Variants in PARP8 observed in about 807,000 individuals in gnomAD.
PARP8 encodes the protein poly(ADP-ribose) polymerase family member 8, also known as protein mono-ADP-ribosyltransferase PARP8.
In PARP8, 51 loss-of-function variants were observed where a neutral mutation model predicts 124.1. The observed-to-expected ratio is 0.41, with a 90% CI of 0.33 to 0.52. PARP8 has a LOEUF of 0.52. PARP8 is among the 20% of genes least tolerant of loss of function. PARP8 has a pLI of 0.21. For synonymous variants in PARP8, 391 were observed against 361.5 expected, an observed-to-expected ratio of 1.08 and a Z score of -0.93; for missense variants, 860 against 1,018.9, an observed-to-expected ratio of 0.84 and a Z score of 2.12.
chr5:50,805,574 A>G (rs1173267363), intron 14 of PARP8, among the ~76,000 whole-genome samples: 4 of 152,138 alleles, frequency 2.6e-5, no homozygotes, highest in African/African-American at 4.8e-5. Context: ...GCACCATGCT[A>G]GATTCTGTTA....
intron 2 of PARP8, among the ~76,000 whole-genome samples, chr5:50,699,438 T>C (rs181207415): frequency 1.7e-4 from 26 of 152,322 alleles, no homozygotes; most frequent in Non-Finnish European, 3.4e-4. Flanking sequence ...CGTAACACTT[T>C]CATATGTTTT....
chr5:50,829,140 C>G (rs1232277011), intron 21 of PARP8, among the ~76,000 whole-genome samples: 8 of 152,154 alleles, frequency 5.3e-5, no homozygotes, highest in Non-Finnish European at 1.0e-4. Flanking sequence ...TTTTCCGCCT[C>G]CAGGACAGTA....
At chr5:50,742,167 G>A (rs901479802) in intron 2 of PARP8, among the ~76,000 whole-genome samples, 6 of 152,146 alleles carry the variant, frequency 3.9e-5, no homozygotes, top group African/African-American at 9.7e-5. Context: ...GAGTGGTTCC[G>A]AATAAGGGAG....
Position 50,828,305 on chromosome 5 carries a change from T to G in PARP8, c.2091-7T>G, listed in dbSNP as rs1488853551. 1 of 1,612,612 alleles carries G rather than the reference T, an allele frequency of 6.2e-7. No individual in the cohort carries two copies. The highest frequency in any genetic ancestry group is 8.5e-7 in the Non-Finnish European group (1 of 1,179,316). On this transcript the variant is annotated splice_region_variant and splice_polypyrimidine_tract_variant and intron_variant, in intron 20 of 25. Coordinates refer to ENST00000281631, the MANE Select transcript of PARP8 (RefSeq NM_024615.4). ...TTTTGCTTTTTCCTTTCCGTCTGTT[T>G]TTTTAGTGGCTCACACATTGAAAAC...
chr5:50,777,972 G>C lies in PARP8; in HGVS notation c.519-97G>C, dbSNP rs978174753. 4.6e-6 allele frequency: 4 copies of C among 862,772 alleles called. No homozygotes were observed. In the African/African-American group the frequency reaches 5.2e-5, roughly 11 times the overall value. 53.4% of individuals were successfully genotyped at this position (862,772 alleles called of 1,614,324 possible). A position where few individuals can be genotyped will look rare whatever the true frequency, so the allele number is the denominator to read the frequency against. On this transcript the variant is annotated intron_variant, in intron 7 of 25. Coordinates refer to ENST00000281631, the MANE Select transcript of PARP8 (RefSeq NM_024615.4). Reference sequence around the variant, plus strand: ...AGCTATTTGTCAAAATCAAGGATGAGAATTAGTGATTTAAAATTTTAAATA... The same window carrying C: ...AGCTATTTGTCAAAATCAAGGATGACAATTAGTGATTTAAAATTTTAAATA...
chr5:50,826,254 T>C (rs1746339201), intron 18 of PARP8, among the ~76,000 whole-genome samples: 1 of 152,086 alleles, frequency 6.6e-6, no homozygotes, highest in Non-Finnish European at 1.5e-5. Context: ...TTTTTTCAAC[T>C]GCAGAGTCTA....
chr5:50,753,994 G>T (rs1212128222), intron 3 of PARP8, among the ~76,000 whole-genome samples: 2 of 149,210 alleles, frequency 1.3e-5, no homozygotes, highest in Non-Finnish European at 3.0e-5. Context: ...AAGATCTGTA[G>T]GTCCTCTATA....
intron 2 of PARP8, chr5:50,738,871 T>A (rs540283428): frequency 9.3e-6 from 6 of 648,050 alleles, no homozygotes; most frequent in Admixed American, 2.2e-5. Flanking sequence ...TAGTTATTTG[T>A]TCATGTAATA....
At chr5:50,733,895 C>T (rs1199028911) in intron 2 of PARP8, among the ~76,000 whole-genome samples, 3 of 152,128 alleles carry the variant, frequency 2.0e-5, no homozygotes, top group South Asian at 2.1e-4. Context: ...GTTTCTGGTA[C>T]GTTCTCAAAT....
intron 2 of PARP8, among the ~76,000 whole-genome samples, chr5:50,745,385 A>C (rs2149541461): frequency 6.6e-6 from 1 of 152,322 alleles, no homozygotes. Flanking sequence ...ATTACTCAGC[A>C]CCTGCTGTTA....
chr5:50,844,000 A>G lies in PARP8; in HGVS notation c.*1932A>G, dbSNP rs1748423392. 2 of 151,770 alleles carry G rather than the reference A, an allele frequency of 1.3e-5. No homozygotes were observed. The highest frequency in any genetic ancestry group is 4.8e-5 in the African/African-American group (2 of 41,384). The allele number at this position is 151,770 out of a possible 1,614,324, so 9.4% of individuals were successfully genotyped here. ...TGTAGAGTGCCTCCAGCATAATTCA[A>G]AATCCACTGACCTAATCCATTATGG... is the stretch of plus-strand genomic sequence containing the variant. On this transcript the variant is annotated 3_prime_UTR_variant, in exon 26 of 26. Transcript: ENST00000281631.
chr5:50,695,592 T>C (rs1374559835), intron 2 of PARP8, among the ~76,000 whole-genome samples: 3 of 152,336 alleles, frequency 2.0e-5, no homozygotes, highest in East Asian at 1.9e-4. Flanking sequence ...ATAAATATGG[T>C]CATTTATATC....
intron 2 of PARP8, among the ~76,000 whole-genome samples, chr5:50,728,569 A>C (rs1756663183): frequency 6.6e-6 from 1 of 152,040 alleles, no homozygotes; most frequent in Non-Finnish European, 1.5e-5. Flanking sequence ...TCAGTTCCTA[A>C]AGAACTACAC....
At chr5:50,722,900 G>T (rs1260319593) in intron 2 of PARP8, among the ~76,000 whole-genome samples, 1 of 152,064 alleles carries the variant, frequency 6.6e-6, no homozygotes, top group Non-Finnish European at 1.5e-5. Context: ...TTCTGCAGCA[G>T]ATAATTAACT....
chr5:50,809,774 T>C (rs1212046452), intron 14 of PARP8, among the ~76,000 whole-genome samples: 1 of 151,542 alleles, frequency 6.6e-6, no homozygotes, highest in Non-Finnish European at 1.5e-5. Context: ...GCAAAAATAT[T>C]TGAAAACCAC....
At chr5:50,832,917 G>C in intron 23 of PARP8, 63 bp downstream of exon 23, 1 of 1,482,346 alleles carries the variant, frequency 6.7e-7, no homozygotes, top group Non-Finnish European at 9.3e-7. Flanking sequence ...AGCCAGCAGA[G>C]CATGGAAAAA....
At chr5:50,725,813 T>C (rs1169091636) in intron 2 of PARP8, among the ~76,000 whole-genome samples, 1 of 152,176 alleles carries the variant, frequency 6.6e-6, no homozygotes, top group Non-Finnish European at 1.5e-5. Flanking sequence ...ATCAGTGTGT[T>C]CTTCTCTGTT....
chr5:50,828,400 GC>G lies in PARP8; in HGVS notation c.2163+17del. On this transcript the variant is annotated intron_variant, in intron 21 of 25. Transcript: ENST00000281631. Reference sequence around the variant, plus strand: ...ACGATTGCAGGTAGATTTTCTGAATGCTTTCACAAGACTTCATTCTTCTTCA... The same window carrying G: ...ACGATTGCAGGTAGATTTTCTGAATGTTTCACAAGACTTCATTCTTCTTCA... 1 of 1,597,190 alleles carries G rather than the reference GC, an allele frequency of 6.3e-7. No individual in the cohort carries two copies. The highest frequency in any genetic ancestry group is 8.6e-7 in the Non-Finnish European group (1 of 1,165,494).
intron 2 of PARP8, among the ~76,000 whole-genome samples, chr5:50,736,725 A>G (rs192519691): frequency 5.3e-5 from 8 of 152,226 alleles, no homozygotes; most frequent in Non-Finnish European, 1.2e-4. Flanking sequence ...CAATGGAAAA[A>G]CACCCAAGAT....
Sources: allele counts gnomAD v4.1 joint callset (sites outside exome capture counted in the v4.1 genomes callset), GRCh38; gene constraint gnomAD v4.1.1; transcripts MANE v1.5; gene names NCBI Gene and HGNC (gene_info 2026-07-23, HGNC 2026-07-21).